The following ADAMTS13 variants were observed in gnomAD, a reference collection of about 807,000 sequenced individuals.
ADAMTS13 encodes the protein ADAM metallopeptidase with thrombospondin type 1 motif 13.
Under a neutral mutation model 155.1 loss-of-function variants are expected in ADAMTS13, and 110 were observed. That is an observed-to-expected ratio of 0.71 (90% CI 0.61 to 0.83). ADAMTS13 has a LOEUF of 0.83. ADAMTS13 is among the 40% of genes least tolerant of loss of function. ADAMTS13 has a pLI of 0.00. For missense variants in ADAMTS13, 1,707 were observed against 1,891.7 expected, an observed-to-expected ratio of 0.90 and a Z score of 1.81; for synonymous variants, 758 against 756.4, an observed-to-expected ratio of 1.00 and a Z score of -0.03.
In ADAMTS13 at chr9:133,422,418, C is replaced by T. The variant is rs372036592; in HGVS notation, c.-26C>T. On this transcript the variant is annotated 5_prime_UTR_variant, in exon 1 of 29. Transcript: ENST00000355699. ...ACCAAGGCCCCCTCTCACTCCGCTCCACTCCTCGGGCTGGCTCTCCTGAGG... is the reference window on the plus strand; with the variant it reads ...ACCAAGGCCCCCTCTCACTCCGCTCTACTCCTCGGGCTGGCTCTCCTGAGG... 444 of 1,606,144 alleles carry T rather than the reference C, an allele frequency of 2.8e-4. No individual in the cohort carries two copies. Among genetic ancestry groups the T allele is most frequent in the Non-Finnish European group, 3.5e-4 (414 of 1,174,946 alleles).
intron 24 of ADAMTS13, 115 bp downstream of exon 24, chr9:133,454,734 G>C: frequency 7.5e-7 from 1 of 1,327,854 alleles, no homozygotes; most frequent in Non-Finnish European, 1.0e-6. Context: ...TGAAAGGAAG[G>C]AGAGAGCTGC....
At chr9:133,418,154 G>T, upstream of ADAMTS13, 1 of 418,346 alleles carries the variant, frequency 2.4e-6, no homozygotes, top group Non-Finnish European at 4.3e-6. Context: ...CGGCATCCGG[G>T]GTCATCGACC....
In ADAMTS13 at chr9:133,447,994, C is replaced by CTT. The variant is rs782297820; in HGVS notation, c.2732-592_2732-591dup. Among the ~76,000 whole-genome samples the CTT allele has an allele frequency of 1.7e-3, 244 of 140,098 alleles. 2 individuals are homozygous for CTT. In the East Asian group the frequency reaches 0.024, roughly 14 times the overall value. 91.9% of individuals were successfully genotyped at this position (140,098 alleles called of 152,430 possible). ...GATTTTCATATTGTGATTTTTTTTTCTTTTTTTTTTTTTTGAGATGGAGTC... is the reference window on the plus strand; with the variant it reads ...GATTTTCATATTGTGATTTTTTTTTCTTTTTTTTTTTTTTTTGAGATGGAGTC... On this transcript the variant is annotated intron_variant, in intron 21 of 28. Transcript: ENST00000355699.
intron 6 of ADAMTS13, among the ~76,000 whole-genome samples, chr9:133,428,145 T>A (rs912629325): frequency 6.7e-6 from 1 of 148,256 alleles, no homozygotes; most frequent in Non-Finnish European, 1.5e-5. Context: ...TGTGACAGTT[T>A]GGAAACGGTT....
rs782111896 is a variant in ADAMTS13, at chr9:133,445,803, C to T, written c.2715C>T (p.Ser905=). ...HVWTPAAGSC[S]VSCGRGLMEL... ...GGACCCCTGCGGCAGGGTCGTGCTC[C>T]GTCTCCTGCGGGCGAGGTGAGGGCC... Residue 905 remains serine (S), a synonymous_variant, in exon 21 of 29, where the codon TCC becomes TCT. Coordinates refer to ENST00000355699, the MANE Select transcript of ADAMTS13 (RefSeq NM_139027.6). This position sits in a 1 kb window ranked among gnomAD's most constrained non-coding sequence, Gnocchi z 5.0. 128 of 1,585,592 alleles carry T rather than the reference C, an allele frequency of 8.1e-5. 1 individual carries two copies. Among genetic ancestry groups the T allele is most frequent in the East Asian group, 7.5e-4 (33 of 44,168 alleles).
intron 1 of ADAMTS13, chr9:133,415,778 T>G (rs934106491): frequency 6.6e-6 from 1 of 152,214 alleles, no homozygotes; most frequent in Non-Finnish European, 1.5e-5. Flanking sequence ...TTTTCTTTCT[T>G]GGGAGAAGGA....
In ADAMTS13 at chr9:133,456,662, G is replaced by T; in HGVS notation, c.3667G>T (p.Gly1223Ter). 1 of 1,600,350 alleles carries T rather than the reference G, an allele frequency of 6.2e-7. No homozygotes were observed. The highest frequency in any genetic ancestry group is 8.5e-7 in the Non-Finnish European group (1 of 1,173,426). The part of the protein sequence containing the change: ...LVVRQRCGRP[G>*]GGVLLRYGSQ... The stretch of plus-strand genomic sequence containing the variant: ...GGTGAGGCAGCGCTGCGGGCGGCCA[G>T]GAGGTGGGGTGCTGCTGCGGTATGG... Residue 1223 changes from glycine to a stop codon, truncating the protein, a stop_gained, in exon 27 of 29, where the codon GGA (glycine) becomes TGA (stop). Transcript: ENST00000355699. LOFTEE classifies it high-confidence loss of function. The surrounding 1 kb of genome is among the most constrained non-coding windows in gnomAD (Gnocchi z 4.4).
intron 1 of ADAMTS13, 61 bp downstream of exon 1, chr9:133,422,609 A>G (rs1840025917): frequency 6.4e-7 from 1 of 1,562,164 alleles, no homozygotes; most frequent in East Asian, 2.3e-5. Flanking sequence ...ATTCTGAGCT[A>G]CCTGGGGCGA....
Position 133,442,862 on chromosome 9 carries a change from C to T in ADAMTS13, c.2234+119C>T, listed in dbSNP as rs996663622. On this transcript the variant is annotated intron_variant, in intron 18 of 28. Transcript: ENST00000355699. ...AGGGCCGGGCTGAGCTGCTCCTGTG[C>T]AGGCTCTCATTACCCCTGCCCACAG... 5 of 1,432,144 alleles carry T rather than the reference C, an allele frequency of 3.5e-6. No individual in the cohort carries two copies. In the African/African-American group the frequency reaches 4.3e-5, roughly 12 times the overall value. 88.7% of individuals were successfully genotyped at this position (1,432,144 alleles called of 1,614,324 possible).
At chr9:133,439,510 A>G (rs1226484451) in intron 15 of ADAMTS13, 64 bp downstream of exon 15, 30 of 1,418,938 alleles carry the variant, frequency 2.1e-5, no homozygotes, top group Non-Finnish European at 2.6e-5. Context: ...CACTGTTGCC[A>G]AGATGCCCTC....
Position 133,445,653 on chromosome 9 carries a change from C to T in ADAMTS13, c.2611-46C>T. ...AAGATCGAGACGGGGATCGCTGGGT[C>T]CTCAGAGGAGGCCCAGACCCACCAG... On this transcript the variant is annotated intron_variant, in intron 20 of 28. Transcript: ENST00000355699. This position sits in a 1 kb window ranked among gnomAD's most constrained non-coding sequence, Gnocchi z 5.0. 1 of 1,612,160 alleles carries T rather than the reference C, an allele frequency of 6.2e-7. No homozygotes were observed.
rs2130892638 is a variant in ADAMTS13 at position 133,445,571 on chromosome 9, G to T, written c.2611-128G>T. 6.9e-7 allele frequency: 1 copy of T among 1,447,028 alleles called. No individual in the cohort carries two copies. Among genetic ancestry groups the T allele is most frequent in the East Asian group, 2.4e-5 (1 of 42,318 alleles). 89.6% of individuals were successfully genotyped at this position (1,447,028 alleles called of 1,614,324 possible). On this transcript the variant is annotated intron_variant, in intron 20 of 28. Coordinates refer to ENST00000355699, the MANE Select transcript of ADAMTS13 (RefSeq NM_139027.6). This position sits in a 1 kb window ranked among gnomAD's most constrained non-coding sequence, Gnocchi z 5.0. ...GGAGCCGATCTCGCCAAGGGAGGAG[G>T]GGAGGGAGCCCCTGGTGCACACACG...
At chr9:133,417,987 A>G (rs191673555), upstream of ADAMTS13, 759 of 731,630 alleles carry the variant, frequency 1.0e-3, 3 homozygotes, top group African/African-American at 0.012. Context: ...AGACTCCGGA[A>G]GAGACCCCGC....
rs1267348026 is a variant in ADAMTS13 at position 133,440,190 on chromosome 9, C to T, written c.1787-154C>T. Among the ~76,000 whole-genome samples, 1 of 152,198 alleles carries T rather than the reference C, an allele frequency of 6.6e-6. No homozygotes were observed. Among genetic ancestry groups the T allele is most frequent in the Non-Finnish European group, 1.5e-5 (1 of 68,034 alleles). On this transcript the variant is annotated intron_variant, in intron 15 of 28. Transcript: ENST00000355699. The surrounding 1 kb of genome is among the most constrained non-coding windows in gnomAD (Gnocchi z 4.3). ...GCACTCACCAGGTTGTGGAAAGAGG[C>T]CTAGAGCCTCCGCTGTGGGGAAGCC... is the stretch of plus-strand genomic sequence containing the variant.
At chr9:133,430,276 T>A in intron 8 of ADAMTS13, 175 bp downstream of exon 8, 1 of 881,568 alleles carries the variant, frequency 1.1e-6, no homozygotes, top group Non-Finnish European at 1.8e-6. Flanking sequence ...ATTTAAAATG[T>A]TTGAACAAAA....
rs1332037027 is a variant in ADAMTS13, at chr9:133,445,464, G to A, written c.2611-235G>A. Among the ~76,000 whole-genome samples, 2 of 152,182 alleles carry A rather than the reference G, an allele frequency of 1.3e-5. No homozygotes were observed. The highest frequency in any genetic ancestry group is 2.9e-5 in the Non-Finnish European group (2 of 68,022). ...TCCCACTCTTGGTCCCCAGCTCTCG[G>A]CCAGGCCCACAGTGAGCACTCATGC... On this transcript the variant is annotated intron_variant, in intron 20 of 28. Coordinates refer to ENST00000355699, the MANE Select transcript of ADAMTS13 (RefSeq NM_139027.6). This position sits in a 1 kb window ranked among gnomAD's most constrained non-coding sequence, Gnocchi z 5.0.
intron 23 of ADAMTS13, 99 bp from the exon 24 acceptor site, chr9:133,454,316 G>T: frequency 2.8e-6 from 4 of 1,426,618 alleles, no homozygotes; most frequent in Non-Finnish European, 3.9e-6. Context: ...AAGCTGTCTA[G>T]GCAACTGTCC....
chr9:133,446,949 C>T (rs782766499), intron 21 of ADAMTS13, among the ~76,000 whole-genome samples: 4 of 152,130 alleles, frequency 2.6e-5, no homozygotes, highest in African/African-American at 7.2e-5. Context: ...CCTTCGCCTC[C>T]GGGGCTCAAG....
chr9:133,442,778 G>A (rs1554791307), intron 18 of ADAMTS13, 35 bp downstream of exon 18: 1 of 1,602,734 alleles, frequency 6.2e-7, no homozygotes, highest in South Asian at 1.1e-5. Flanking sequence ...CTCCAAGGGG[G>A]AGAGAGGGTT....
Sources: gnomAD v4.1 joint callset for allele counts (sites outside exome capture counted in the v4.1 genomes callset) on GRCh38, gnomAD v4.1.1 for gene constraint, Gnocchi (gnomAD v3.1) non-coding constraint, MANE v1.5 for transcripts, NCBI Gene and HGNC (gene_info 2026-07-23, HGNC 2026-07-21) for gene names.